DNPH1: variants seen among roughly 807,000 people sequenced by gnomAD.
DNPH1 encodes 5-hydroxymethyl-dUMP N-hydrolase.
A neutral mutation model predicts 15.7 loss-of-function variants in DNPH1; 18 were observed. The observed-to-expected ratio is 1.15, with a 90% CI of 0.79 to 1.70. The LOEUF is 1.70. Among genes scored for constraint, DNPH1 ranks in the 40% most tolerant of loss-of-function variants. The pLI is 0.00. For missense variants in DNPH1, 262 were observed against 255.2 expected (o/e 1.03, Z -0.18); for synonymous variants, 114 against 107.9 (o/e 1.06, Z -0.35).
In DNPH1 at chr6:43,229,324, G is replaced by C; in HGVS notation, c.133C>G (p.Arg45Gly). The C allele has an allele frequency of 2.0e-6, 3 of 1,490,308 alleles. No homozygotes were observed. Among genetic ancestry groups the C allele is most frequent in the Non-Finnish European group, 2.7e-6 (3 of 1,123,298 alleles). The allele number at this position is 1,490,308 out of a possible 1,614,324, so 92.3% of individuals were successfully genotyped here. ...DRTLYERIVS[R>G]LRRFGTVLTE... ...AGCACTGTCCCGAATCGCCGCAGCC[G>C]AGACACGATCCGCTCGTACAGCGTC... Residue 45 changes from arginine to glycine, a missense_variant, in exon 1 of 4, where the codon CGG becomes GGG. Physicochemically the swap from Arg to Gly is moderately radical, Grantham distance 125. Coordinates refer to ENST00000230431, the MANE Select transcript of DNPH1 (RefSeq NM_006443.3).
chr6:43,225,718 G>A lies in DNPH1; in HGVS notation c.*15C>T. Reference sequence around the variant, plus strand: ...AGTGTCTGAGAATAGAAGAATTTAAGAAAGTGAGATTAAGTCAAGTGGTTG... The same window carrying A: ...AGTGTCTGAGAATAGAAGAATTTAAAAAAGTGAGATTAAGTCAAGTGGTTG... On this transcript the variant is annotated 3_prime_UTR_variant, in exon 4 of 4. Transcript: ENST00000230431. 1.2e-6 allele frequency: 2 copies of A among 1,613,734 alleles called. No homozygotes were observed. The highest frequency in any genetic ancestry group is 8.5e-7 in the Non-Finnish European group (1 of 1,179,982).
At chr6:43,228,016 G>C (rs1776768501) in intron 1 of DNPH1, among the ~76,000 whole-genome samples, 1 of 152,130 alleles carries the variant, frequency 6.6e-6, no homozygotes, top group Non-Finnish European at 1.5e-5. Context: ...CTCAAGCCCG[G>C]GAGGCAGAGG....
chr6:43,225,786 A>G lies in DNPH1; in HGVS notation c.472T>C (p.Phe158Leu), dbSNP rs774086999. 4.3e-6 allele frequency: 7 copies of G among 1,614,046 alleles called. No homozygotes were observed. In the South Asian group the frequency reaches 4.4e-5, roughly 10 times the overall value. ...ACCTGCCCTGGAGGATCAGCCTCGAAGTATCGATCCAGCAGGGCCTCCACC... is the reference window on the plus strand; with the variant it reads ...ACCTGCCCTGGAGGATCAGCCTCGAGGTATCGATCCAGCAGGGCCTCCACC... The part of the protein sequence containing the change: ...GEVEALLDRY[F>L]EADPPGQVAA... Residue 158 changes from phenylalanine to leucine, a missense_variant, in exon 4 of 4, where the codon TTC becomes CTC. By Grantham distance (22) the Phe-to-Leu change is conservative. Transcript: ENST00000230431.
intron 1 of DNPH1, among the ~76,000 whole-genome samples, chr6:43,228,346 T>TTA (rs1211572387): frequency 6.6e-6 from 1 of 151,890 alleles, no homozygotes; most frequent in Non-Finnish European, 1.5e-5. Flanking sequence ...TCCTTGCTAA[T>TTA]AGGAGGCTGA....
chr6:43,227,148 G>A (rs191621246), intron 1 of DNPH1, among the ~76,000 whole-genome samples: 2 of 151,244 alleles, frequency 1.3e-5, no homozygotes, highest in African/African-American at 2.4e-5. Context: ...CAGGCGCGGT[G>A]GCTCACGCCT....
At position 43,226,322 on chromosome 6, in the gene DNPH1, C is replaced by T. The variant is rs1776738918; in HGVS notation, c.265+5G>A. The T allele has an allele frequency of 1.2e-6, 2 of 1,611,960 alleles. No individual in the cohort carries two copies. The highest frequency in any genetic ancestry group is 1.7e-6 in the Non-Finnish European group (2 of 1,179,664). ...TAGGTGCTGGAAGGAGGGAGCGCCA[C>T]TCACCGTCCGCCTGCTGCAGCCACT... On this transcript the variant is annotated splice_donor_5th_base_variant and intron_variant, in intron 2 of 3. Transcript: ENST00000230431. The surrounding 1 kb of genome is among the most constrained non-coding windows in gnomAD (Gnocchi z 4.1).
chr6:43,226,525 T>A lies in DNPH1; in HGVS notation c.197-130A>T. ...TTGTGCCAGATGACCTGACCAAACA[T>A]GACAATCTCATCAAAGCAGCGAGGA... is the stretch of plus-strand genomic sequence containing the variant. On this transcript the variant is annotated intron_variant, in intron 1 of 3. Coordinates refer to ENST00000230431, the MANE Select transcript of DNPH1 (RefSeq NM_006443.3). The surrounding 1 kb of genome is among the most constrained non-coding windows in gnomAD (Gnocchi z 4.1). 1.4e-6 allele frequency: 1 copy of A among 740,088 alleles called. No homozygotes were observed. The highest frequency in any genetic ancestry group is 1.9e-5 in the South Asian group (1 of 52,550). 45.8% of individuals were successfully genotyped at this position (740,088 alleles called of 1,614,324 possible). A position where few individuals can be genotyped will look rare whatever the true frequency, so the allele number is the denominator to read the frequency against.
chr6:43,226,238 G>A lies in DNPH1; in HGVS notation c.265+89C>T. 6.3e-7 allele frequency: 1 copy of A among 1,597,818 alleles called. No homozygotes were observed. The highest frequency in any genetic ancestry group is 8.5e-7 in the Non-Finnish European group (1 of 1,172,002). ...GGCTGTGGTGAGGAGGGAACTCTGG[G>A]AGTCCCTTCTAGGTGTGGAGGCTGG... On this transcript the variant is annotated intron_variant, in intron 2 of 3. Coordinates refer to ENST00000230431, the MANE Select transcript of DNPH1 (RefSeq NM_006443.3). This position sits in a 1 kb window ranked among gnomAD's most constrained non-coding sequence, Gnocchi z 4.1.
intron 1 of DNPH1, among the ~76,000 whole-genome samples, chr6:43,227,145 G>A (rs1307859736): frequency 2.0e-5 from 3 of 151,226 alleles, no homozygotes; most frequent in Admixed American, 1.3e-4. Flanking sequence ...GGCCAGGCGC[G>A]GTGGCTCACG....
rs1004930254 is a variant in DNPH1, at chr6:43,229,432, G to A, written c.25C>T (p.Arg9Cys). 3 of 1,384,460 alleles carry A rather than the reference G, an allele frequency of 2.2e-6. No individual in the cohort carries two copies. The highest frequency in any genetic ancestry group is 2.8e-6 in the Non-Finnish European group (3 of 1,065,982). 85.8% of individuals were successfully genotyped at this position (1,384,460 alleles called of 1,614,324 possible). Residue 9 changes from arginine to cysteine, a missense_variant, in exon 1 of 4, where the codon CGC becomes TGC. Transcript: ENST00000230431. ...TCCCCGCGCTCCCAGCTCTCGCTGC[G>A]CCCCGGCACCATGGCAGCAGCCATT... MAAAMVPG[R>C]SESWERGEPG...
intron 1 of DNPH1, among the ~76,000 whole-genome samples, chr6:43,227,569 C>A (rs1418504944): frequency 6.6e-6 from 1 of 152,076 alleles, no homozygotes; most frequent in Non-Finnish European, 1.5e-5. Flanking sequence ...TCAGGGTCCT[C>A]CACTTGCACA....
intron 1 of DNPH1, among the ~76,000 whole-genome samples, chr6:43,227,352 T>C (rs1582456149): frequency 1.3e-5 from 2 of 151,140 alleles, no homozygotes; most frequent in African/African-American, 4.9e-5. Context: ...GAGGAGGAGG[T>C]TGCAATGAGC....
In DNPH1 at chr6:43,229,477, C is replaced by T; in HGVS notation, c.-21G>A. On this transcript the variant is annotated 5_prime_UTR_variant, in exon 1 of 4. Coordinates refer to ENST00000230431, the MANE Select transcript of DNPH1 (RefSeq NM_006443.3). ...GCCATTCCCCAGCCGCCCGCGCTCT[C>T]CGGCGCCAGGGGGCGCCAGCCCGCG... 1 of 1,284,540 alleles carries T rather than the reference C, an allele frequency of 7.8e-7. No individual in the cohort carries two copies. The highest frequency in any genetic ancestry group is 9.8e-7 in the Non-Finnish European group (1 of 1,018,386). The allele number at this position is 1,284,540 out of a possible 1,614,324, so 79.6% of individuals were successfully genotyped here.
rs149614441 is a variant in DNPH1 at position 43,226,033 on chromosome 6, C to T, written c.376G>A (p.Val126Met). 17 of 1,613,604 alleles carry T rather than the reference C, an allele frequency of 1.1e-5. No individual in the cohort carries two copies. Among genetic ancestry groups the T allele is most frequent in the East Asian group, 4.5e-5 (2 of 44,888 alleles). The change falls in exon 3 of 4, where the codon GTG (valine) becomes ATG (methionine). Residue 126 changes from valine (V) to methionine (M), a missense_variant and splice_region_variant. Val to Met is a conservative substitution (Grantham distance 21). Coordinates refer to ENST00000230431, the MANE Select transcript of DNPH1 (RefSeq NM_006443.3). The surrounding 1 kb of genome is among the most constrained non-coding windows in gnomAD (Gnocchi z 4.1). ...CAGGAGGGAGGCTTGGGGTGCTCACCGCGGCCAGACTGCGGGCGGAACAGG... is the reference window on the plus strand; with the variant it reads ...CAGGAGGGAGGCTTGGGGTGCTCACTGCGGCCAGACTGCGGGCGGAACAGG... ...LCLFRPQSGR[V>M]LSAMIRGAAD...
chr6:43,227,196 C>T (rs961492874), intron 1 of DNPH1, among the ~76,000 whole-genome samples: 4 of 152,070 alleles, frequency 2.6e-5, no homozygotes, highest in Non-Finnish European at 5.9e-5. Flanking sequence ...GCGGTAGGAT[C>T]ACGAGGTCAG....
At position 43,229,366 on chromosome 6, in the gene DNPH1, CG is replaced by C; in HGVS notation, c.90del (p.Gly31AlafsTer64). The C allele has an allele frequency of 6.7e-7, 1 of 1,486,720 alleles. No homozygotes were observed. 92.1% of individuals were successfully genotyped at this position (1,486,720 alleles called of 1,614,324 possible). On this transcript the variant is annotated frameshift_variant, in exon 1 of 4. Coordinates refer to ENST00000230431, the MANE Select transcript of DNPH1 (RefSeq NM_006443.3). LOFTEE classifies it high-confidence loss of function. ...TACAGCGTCCTGTCCTCGCGTCCGC[CG>C]CGAATGCTCCCGCAGAAGTACAGGG... ...RPALYFCGSI[R>X]GGREDRTLYE...
rs1422677165 is a variant in DNPH1, at chr6:43,226,145, TG to T, written c.266-3del. Reference sequence around the variant, plus strand: ...GCTGTGTCACTTCTGCCACGACCACTGGGAGGAAAGATGAGAGGAAGCCTCA... The same window carrying T: ...GCTGTGTCACTTCTGCCACGACCACTGGAGGAAAGATGAGAGGAAGCCTCA... On this transcript the variant is annotated splice_region_variant and splice_polypyrimidine_tract_variant and intron_variant, in intron 2 of 3. Transcript: ENST00000230431. The surrounding 1 kb of genome is among the most constrained non-coding windows in gnomAD (Gnocchi z 4.1). The T allele has an allele frequency of 6.2e-7, 1 of 1,612,984 alleles. No homozygotes were observed. The highest frequency in any genetic ancestry group is 1.7e-5 in the Admixed American group (1 of 59,998).
intron 1 of DNPH1, among the ~76,000 whole-genome samples, chr6:43,227,734 C>G (rs572719900): frequency 6.6e-6 from 1 of 152,008 alleles, no homozygotes; most frequent in African/African-American, 2.4e-5. Context: ...CACAAGCATT[C>G]AAGATACAAT....
chr6:43,225,773 G>T lies in DNPH1; in HGVS notation c.485C>A (p.Pro162His). ...ALLDRYFEADPPGQVAASPDP... is the reference protein window; with the variant it reads ...ALLDRYFEADHPGQVAASPDP... Reference sequence around the variant, plus strand: ...AGGGGAGGCAGCCACCTGCCCTGGAGGATCAGCCTCGAAGTATCGATCCAG... The same window carrying T: ...AGGGGAGGCAGCCACCTGCCCTGGATGATCAGCCTCGAAGTATCGATCCAG... Residue 162 changes from proline to histidine, a missense_variant, in exon 4 of 4, where the codon CCT (proline) becomes CAT (histidine). Pro to His is a moderately conservative substitution (Grantham distance 77). Transcript: ENST00000230431. 6.2e-7 allele frequency: 1 copy of T among 1,614,210 alleles called. No homozygotes were observed. Among genetic ancestry groups the T allele is most frequent in the Non-Finnish European group, 8.5e-7 (1 of 1,180,038 alleles).
Sources: allele counts gnomAD v4.1 joint callset (sites outside exome capture counted in the v4.1 genomes callset), GRCh38; gene constraint gnomAD v4.1.1; non-coding constraint Gnocchi (gnomAD v3.1); transcripts MANE v1.5; gene names NCBI Gene and HGNC (gene_info 2026-07-23, HGNC 2026-07-21).